LRBA: variants seen among roughly 807,000 people sequenced by gnomAD.
The protein encoded by LRBA is lipopolysaccharide-responsive and beige-like anchor protein.
LRBA carries 176 observed loss-of-function variants against 330.0 expected under a neutral mutation model. The observed-to-expected ratio is 0.53, with a 90% CI of 0.47 to 0.60. LRBA has a LOEUF of 0.60. LRBA is among the 20% of genes least tolerant of loss of function. The probability of loss-of-function intolerance (pLI) is 0.00; values close to 1 mark genes in which losing one functional copy is unlikely to be tolerated. For missense variants in LRBA, 3,259 were observed against 3,444.8 expected (o/e 0.95, Z 1.35); for synonymous variants, 1,230 against 1,193.0 (o/e 1.03, Z -0.64).
intron 2 of LRBA, among the ~76,000 whole-genome samples, chr4:151,005,602 C>CTTTTT (rs1187161237): frequency 3.9e-5 from 4 of 103,016 alleles, no homozygotes; most frequent in African/African-American, 4.6e-5. Context: ...GTTACCCAGG[C>CTTTTT]TTTTTTTTTT....
intron 30 of LRBA, among the ~76,000 whole-genome samples, chr4:150,820,427 A>G (rs962500646): frequency 6.6e-6 from 1 of 152,010 alleles, no homozygotes; most frequent in Non-Finnish European, 1.5e-5. Context: ...TTTAAACATA[A>G]TTTTAGAATC....
rs1165014827 is a variant in LRBA, at chr4:150,805,580, GGAAAGGAAAGGAAAGGAAAGGAAAA to G, written c.5518+666_5518+690del. Among the ~76,000 whole-genome samples the G allele has an allele frequency of 4.8e-3, 562 of 116,408 alleles. 7 individuals are homozygous for G. Among genetic ancestry groups the G allele is most frequent in the African/African-American group, 0.018 (455 of 24,628 alleles). The allele number at this position is 116,408 out of a possible 152,430, so 76.4% of individuals were successfully genotyped here. A position where few individuals can be genotyped will look rare whatever the true frequency, so the allele number is the denominator to read the frequency against. On this transcript the variant is annotated intron_variant, in intron 33 of 56. Coordinates refer to ENST00000651943, the MANE Select transcript of LRBA (RefSeq NM_001364905.1). ...GGAAAGGAAAGGAAAGGAAAGGAAA[GGAAAGGAAAGGAAAGGAAAGGAAAA>G]GAAAGGAAAGGAAAGGAAAGGAGAA... is the stretch of plus-strand genomic sequence containing the variant.
chr4:150,815,421 C>T (rs1744429436), intron 31 of LRBA, among the ~76,000 whole-genome samples: 1 of 151,330 alleles, frequency 6.6e-6, no homozygotes, highest in African/African-American at 2.4e-5. Context: ...GAGTTTCATG[C>T]CCATTTTCCT....
chr4:150,621,751 G>T (rs559771193), intron 37 of LRBA, among the ~76,000 whole-genome samples: 13 of 152,302 alleles, frequency 8.5e-5, no homozygotes, highest in African/African-American at 3.1e-4. Flanking sequence ...TACTGCTGAA[G>T]GAAATGGAAT....
chr4:150,952,170 C>G (rs112867214), intron 2 of LRBA, among the ~76,000 whole-genome samples: 2 of 152,054 alleles, frequency 1.3e-5, no homozygotes, highest in African/African-American at 4.8e-5. Context: ...TCACTGAGAA[C>G]TACTCATGAT....
intron 36 of LRBA, among the ~76,000 whole-genome samples, chr4:150,718,548 T>C (rs909832969): frequency 6.6e-6 from 1 of 152,044 alleles, no homozygotes; most frequent in Admixed American, 6.6e-5. Flanking sequence ...TTGAAGTTTG[T>C]TGAAAAAGGG....
intron 36 of LRBA, among the ~76,000 whole-genome samples, chr4:150,694,783 A>G (rs1784482902): frequency 6.6e-6 from 1 of 152,038 alleles, no homozygotes; most frequent in Non-Finnish European, 1.5e-5. Flanking sequence ...TAGACTGGAT[A>G]CAACATGTTG....
At position 150,490,949 on chromosome 4, in the gene LRBA, A is replaced by G. The variant is rs1305857129; in HGVS notation, c.6417T>C (p.Asn2139=). 1 of 1,609,066 alleles carries G rather than the reference A, an allele frequency of 6.2e-7. No homozygotes were observed. The highest frequency in any genetic ancestry group is 2.2e-5 in the East Asian group (1 of 44,728). ...SIFSRRYLLQ[N]TALEIFMANR... is the part of the protein sequence containing the mutation. ...TTGCCATAAAGATCTCCAGGGCTGT[A>G]TTTTGCAAAAGATAACGACGAGAAA... The change falls in exon 41 of 57, where the codon AAT becomes AAC. Residue 2139 remains asparagine (N), a synonymous_variant. Coordinates refer to ENST00000651943, the MANE Select transcript of LRBA (RefSeq NM_001364905.1).
intron 47 of LRBA, among the ~76,000 whole-genome samples, chr4:150,361,158 G>GTAGT (rs1298019042): frequency 6.6e-5 from 10 of 152,134 alleles, no homozygotes; most frequent in African/African-American, 2.4e-4. Flanking sequence ...AGCAGATAAC[G>GTAGT]AGTCTCTGTC....
chr4:150,272,339 G>C (rs1746216845), intron 56 of LRBA, among the ~76,000 whole-genome samples: 1 of 152,014 alleles, frequency 6.6e-6, no homozygotes, highest in Non-Finnish European at 1.5e-5. Flanking sequence ...AAAGACTAAA[G>C]AAAGATAGAT....
chr4:150,828,098 C>T (rs1400100627), intron 30 of LRBA, 82 bp downstream of exon 30: 3 of 1,282,676 alleles, frequency 2.3e-6, no homozygotes, highest in East Asian at 4.7e-5. Flanking sequence ...TTCGGCTACA[C>T]AGGGCGTCAT....
intron 35 of LRBA, among the ~76,000 whole-genome samples, chr4:150,754,958 G>A (rs894550996): frequency 5.3e-5 from 8 of 152,040 alleles, no homozygotes; most frequent in East Asian, 1.9e-4. Context: ...GTTTACTTAC[G>A]TGCAATAAAT....
intron 37 of LRBA, among the ~76,000 whole-genome samples, chr4:150,669,191 T>C (rs563550013): frequency 6.6e-6 from 1 of 152,282 alleles, no homozygotes; most frequent in South Asian, 2.1e-4. Flanking sequence ...GCAATAATAA[T>C]AGCTATTAAT....
intron 35 of LRBA, among the ~76,000 whole-genome samples, chr4:150,756,045 C>CAA (rs70941436): frequency 7.7e-4 from 99 of 127,800 alleles, no homozygotes; most frequent in Admixed American, 1.1e-3. Flanking sequence ...GACCCTATCT[C>CAA]AAAAAAAAAA....
At chr4:150,973,100 A>G (rs999369731) in intron 2 of LRBA, among the ~76,000 whole-genome samples, 1 of 152,248 alleles carries the variant, frequency 6.6e-6, no homozygotes, top group African/African-American at 2.4e-5. Context: ...AGCCTGGGCA[A>G]CAGAATGAGA....
At chr4:150,865,762 C>CTAGA (rs1459066219) in intron 22 of LRBA, among the ~76,000 whole-genome samples, 1 of 148,440 alleles carries the variant, frequency 6.7e-6, no homozygotes, top group Non-Finnish European at 1.5e-5. Flanking sequence ...TCTCACCAGG[C>CTAGA]TAGAGTACAA....
chr4:150,460,403 G>A (rs1368082488), intron 44 of LRBA, among the ~76,000 whole-genome samples: 1 of 151,736 alleles, frequency 6.6e-6, no homozygotes, highest in East Asian at 1.9e-4. Flanking sequence ...ACTCAGCAAT[G>A]AATAACAAAT....
intron 35 of LRBA, among the ~76,000 whole-genome samples, chr4:150,754,457 T>G (rs914573660): frequency 8.4e-6 from 1 of 119,380 alleles, no homozygotes; most frequent in South Asian, 2.5e-4. Context: ...TAAACAGAGA[T>G]AAAGACATGA....
intron 47 of LRBA, among the ~76,000 whole-genome samples, chr4:150,401,104 G>C (rs946086656): frequency 6.6e-6 from 1 of 152,210 alleles, no homozygotes; most frequent in African/African-American, 2.4e-5. Context: ...TATGCACACA[G>C]GGAGAACACC....
Sources: allele counts gnomAD v4.1 joint callset (sites outside exome capture counted in the v4.1 genomes callset), GRCh38; gene constraint gnomAD v4.1.1; transcripts MANE v1.5; gene names NCBI Gene and HGNC (gene_info 2026-07-23, HGNC 2026-07-21).